Variants in PPP3R1 observed in about 807,000 individuals in gnomAD.
PPP3R1 encodes the protein calcineurin subunit B type 1.
Under a neutral mutation model 22.6 loss-of-function variants are expected in PPP3R1, and 5 were observed. The observed-to-expected ratio is 0.22, with a 90% CI of 0.12 to 0.46. The LOEUF is 0.46. Among genes scored for constraint, PPP3R1 ranks in the 20% least tolerant of loss-of-function variants. The pLI, the probability that PPP3R1 is intolerant of heterozygous loss-of-function variation, is 0.99. For missense variants in PPP3R1, 61 were observed against 203.2 expected (o/e 0.30, Z 4.25); for synonymous variants, 56 against 65.2 (o/e 0.86, Z 0.68).
chr2:68,234,066 G>A (rs890130939), intron 1 of PPP3R1, among the ~76,000 whole-genome samples: 2 of 152,050 alleles, frequency 1.3e-5, no homozygotes. Context: ...GCTTAAGGCC[G>A]GGCACGGTGG....
At chr2:68,237,228 A>G (rs960120315) in intron 1 of PPP3R1, among the ~76,000 whole-genome samples, 7 of 152,200 alleles carry the variant, frequency 4.6e-5, no homozygotes, top group Non-Finnish European at 1.0e-4. Flanking sequence ...CAAGAATACT[A>G]CATACTGGTT....
At chr2:68,213,112 G>A (rs567974182) in intron 2 of PPP3R1, among the ~76,000 whole-genome samples, 32 of 152,278 alleles carry the variant, frequency 2.1e-4, no homozygotes, top group African/African-American at 7.2e-4. Context: ...CAATAAGACT[G>A]TTTCATTTTC....
intron 2 of PPP3R1, among the ~76,000 whole-genome samples, chr2:68,213,215 G>A (rs1376495274): frequency 1.3e-5 from 2 of 152,198 alleles, no homozygotes; most frequent in Admixed American, 1.3e-4. Flanking sequence ...TGTGGCACAG[G>A]AGGCCTAGCT....
At chr2:68,208,353 G>C (rs1046461670) in intron 2 of PPP3R1, among the ~76,000 whole-genome samples, 1 of 152,124 alleles carries the variant, frequency 6.6e-6, no homozygotes, top group African/African-American at 2.4e-5. Flanking sequence ...TTTCTAAAAG[G>C]CCAGGTGGTA....
rs1243686198 is a variant in PPP3R1, at chr2:68,180,009, G to T, written c.*954C>A. 6.6e-6 allele frequency: 1 copy of T among 152,160 alleles called. No homozygotes were observed. Among genetic ancestry groups the T allele is most frequent in the Non-Finnish European group, 1.5e-5 (1 of 68,036 alleles). 9.4% of individuals were successfully genotyped at this position (152,160 alleles called of 1,614,324 possible). On this transcript the variant is annotated 3_prime_UTR_variant, in exon 6 of 6. Coordinates refer to ENST00000234310, the MANE Select transcript of PPP3R1 (RefSeq NM_000945.4). ...TATTTACCCATGTAATCAAACAAATGGATATCCCTTATAAGTAGTTACATG... is the reference window on the plus strand; with the variant it reads ...TATTTACCCATGTAATCAAACAAATTGATATCCCTTATAAGTAGTTACATG...
chr2:68,242,316 A>T (rs1670152163), intron 1 of PPP3R1, among the ~76,000 whole-genome samples: 1 of 151,956 alleles, frequency 6.6e-6, no homozygotes, highest in Admixed American at 6.6e-5. Flanking sequence ...AATCACAGCT[A>T]CTCGAAAGCT....
intron 1 of PPP3R1, among the ~76,000 whole-genome samples, chr2:68,232,524 A>C (rs913606964): frequency 2.6e-5 from 4 of 152,010 alleles, no homozygotes; most frequent in East Asian, 1.9e-4. Context: ...TCAAAGAAAA[A>C]GAAAACTCAT....
intron 1 of PPP3R1, among the ~76,000 whole-genome samples, chr2:68,234,815 T>G (rs1187185059): frequency 6.6e-6 from 1 of 152,164 alleles, no homozygotes; most frequent in Non-Finnish European, 1.5e-5. Flanking sequence ...ATGTATGGCA[T>G]TTTCAATAAT....
intron 1 of PPP3R1, among the ~76,000 whole-genome samples, chr2:68,242,106 T>C (rs1670148287): frequency 6.6e-6 from 1 of 152,168 alleles, no homozygotes; most frequent in South Asian, 2.1e-4. Context: ...TCTACTGAAT[T>C]AAACATCACT....
At chr2:68,196,389 G>A (rs974255496) in intron 2 of PPP3R1, among the ~76,000 whole-genome samples, 12 of 152,112 alleles carry the variant, frequency 7.9e-5, no homozygotes, top group African/African-American at 2.9e-4. Flanking sequence ...ATCTTGTTGT[G>A]TACCAAGTGG....
intron 4 of PPP3R1, 26 bp downstream of exon 4, chr2:68,187,229 T>A: frequency 6.4e-7 from 1 of 1,552,568 alleles, no homozygotes; most frequent in Non-Finnish European, 8.8e-7. Context: ...TATAAGAGAA[T>A]GAAGTCAGTG....
Position 68,180,825 on chromosome 2 carries a change from G to A in PPP3R1, c.*138C>T, listed in dbSNP as rs1305983173. On this transcript the variant is annotated 3_prime_UTR_variant, in exon 6 of 6. Coordinates refer to ENST00000234310, the MANE Select transcript of PPP3R1 (RefSeq NM_000945.4). ...CAATAACACTTAGTTGGCTTCATGA[G>A]GCTCATGTTGGAAAATGTGGCTTCA... The A allele has an allele frequency of 1.2e-6, 1 of 828,570 alleles. No individual in the cohort carries two copies. The highest frequency in any genetic ancestry group is 1.7e-5 in the South Asian group (1 of 59,712). 51.3% of individuals were successfully genotyped at this position (828,570 alleles called of 1,614,324 possible).
intron 1 of PPP3R1, among the ~76,000 whole-genome samples, chr2:68,219,891 T>C (rs1669654134): frequency 6.6e-6 from 1 of 152,236 alleles, no homozygotes. Flanking sequence ...ACAAGATCAC[T>C]TGTTGATGAG....
chr2:68,214,454 A>G (rs1294990652), intron 2 of PPP3R1, among the ~76,000 whole-genome samples: 6 of 152,230 alleles, frequency 3.9e-5, no homozygotes, highest in African/African-American at 1.4e-4. Flanking sequence ...CAACCCCATT[A>G]AAAAGTGGGT....
At chr2:68,197,825 A>G (rs986680487) in intron 2 of PPP3R1, among the ~76,000 whole-genome samples, 2 of 151,992 alleles carry the variant, frequency 1.3e-5, no homozygotes, top group Non-Finnish European at 2.9e-5. Flanking sequence ...TTAATGAAAT[A>G]GAATTTTTTC....
chr2:68,187,828 T>C (rs2103721272), intron 3 of PPP3R1, among the ~76,000 whole-genome samples: 1 of 151,854 alleles, frequency 6.6e-6, no homozygotes, highest in African/African-American at 2.4e-5. Context: ...ATAAAATCTA[T>C]TGACAAATCC....
chr2:68,187,009 T>C (rs1173328791), intron 4 of PPP3R1, among the ~76,000 whole-genome samples: 1 of 152,248 alleles, frequency 6.6e-6, no homozygotes, highest in Non-Finnish European at 1.5e-5. Flanking sequence ...TATGTAGTTT[T>C]ACATGGCTGT....
intron 3 of PPP3R1, 86 bp downstream of exon 3, chr2:68,188,428 G>A: frequency 1.0e-6 from 1 of 999,170 alleles, no homozygotes; most frequent in Middle Eastern, 2.8e-4. Flanking sequence ...AGGAATATAA[G>A]CACTTTTTTT....
intron 1 of PPP3R1, among the ~76,000 whole-genome samples, chr2:68,242,432 A>G (rs939785003): frequency 2.6e-5 from 4 of 152,158 alleles, no homozygotes; most frequent in Non-Finnish European, 4.4e-5. Flanking sequence ...TCTAAAAAAA[A>G]AAAAAAGAAA....
Sources: allele counts gnomAD v4.1 joint callset (sites outside exome capture counted in the v4.1 genomes callset), GRCh38; gene constraint gnomAD v4.1.1; transcripts MANE v1.5; gene names NCBI Gene and HGNC (gene_info 2026-07-23, HGNC 2026-07-21).